Variants in GRIP2 observed in about 807,000 individuals in gnomAD.
The protein encoded by GRIP2 is glutamate receptor interacting protein 2.
Under a neutral mutation model 108.3 loss-of-function variants are expected in GRIP2, and 58 were observed. The ratio of observed to expected loss-of-function variants is 0.54; its 90% CI spans 0.43 to 0.67. The LOEUF (loss-of-function observed/expected upper bound fraction) is 0.67, where lower values mean the gene tolerates loss of function less well. GRIP2 is among the 30% of genes least tolerant of loss of function. The pLI, the probability that GRIP2 is intolerant of heterozygous loss-of-function variation, is 0.00. For synonymous variants in GRIP2, 586 were observed against 598.2 expected, an observed-to-expected ratio of 0.98 and a Z score of 0.30; for missense variants, 1,278 against 1,430.6, an observed-to-expected ratio of 0.89 and a Z score of 1.72.
At chr3:14,551,364 T>C (rs982019366) in intron 1 of GRIP2, among the ~76,000 whole-genome samples, 7 of 152,126 alleles carry the variant, frequency 4.6e-5, no homozygotes, top group African/African-American at 1.7e-4. Flanking sequence ...GCAAGGCCAA[T>C]GTGCGGTTGG....
At chr3:14,554,079 T>C (rs1168727796) in intron 1 of GRIP2, among the ~76,000 whole-genome samples, 1 of 152,140 alleles carries the variant, frequency 6.6e-6, no homozygotes, top group East Asian at 1.9e-4. Flanking sequence ...AAGGGGAAGA[T>C]GGAATTAAAA....
chr3:14,524,392 C>T lies in GRIP2; in HGVS notation c.403+1G>A. 6 of 1,609,374 alleles carry T rather than the reference C, an allele frequency of 3.7e-6. No individual in the cohort carries two copies. In the South Asian group the frequency reaches 6.7e-5, roughly 18 times the overall value. On this transcript the variant is annotated splice_donor_variant, in intron 4 of 23. Coordinates refer to ENST00000621039, the MANE Select transcript of GRIP2 (RefSeq NM_001080423.4). LOFTEE classifies it high-confidence loss of function. ...AAAGTTCCCCGTCCAAGGGCACCCACCGGGCGGGGGCAGCTCATACTCCAC... is the reference window on the plus strand; with the variant it reads ...AAAGTTCCCCGTCCAAGGGCACCCATCGGGCGGGGGCAGCTCATACTCCAC...
At chr3:14,591,970 T>C in the GRIP2 span, among the ~76,000 whole-genome samples, 2 of 152,220 alleles carry the variant, frequency 1.3e-5, no homozygotes, top group South Asian at 2.1e-4. Context: ...TTCTGTGAGA[T>C]CTAGGACCTT....
intron 7 of GRIP2, chr3:14,520,850 A>T (rs4308257): frequency 0.78 from 276,617 of 353,342 alleles, 108,912 homozygotes; most frequent in South Asian, 0.89. Flanking sequence ...TAAACTGTAA[A>T]GTTCACTACA....
chr3:14,596,523 C>T, the GRIP2 span, among the ~76,000 whole-genome samples: 1 of 152,150 alleles, frequency 6.6e-6, no homozygotes, highest in African/African-American at 2.4e-5. Context: ...TCCACAAATA[C>T]CTGTTGAGCA....
At chr3:14,524,636 GATCCTC>G (rs1694505030) in intron 3 of GRIP2, 98 bp from the exon 4 acceptor site, 1 of 1,331,582 alleles carries the variant, frequency 7.5e-7, no homozygotes, top group East Asian at 2.5e-5. Context: ...ATGATCACTG[GATCCTC>G]ATTTCACAAA....
In GRIP2 at chr3:14,522,971, G is replaced by T; in HGVS notation, c.566+29C>A. The T allele has an allele frequency of 6.3e-7, 1 of 1,597,480 alleles. No homozygotes were observed. Among genetic ancestry groups the T allele is most frequent in the Non-Finnish European group, 8.6e-7 (1 of 1,164,876 alleles). On this transcript the variant is annotated intron_variant, in intron 6 of 23. Transcript: ENST00000621039. The surrounding 1 kb of genome is among the most constrained non-coding windows in gnomAD (Gnocchi z 4.3). ...AGGGGAGTTGGGGCAGGTCAGTGCA[G>T]TGTGTGGATTTCTTCTGCCTCGGCT...
the GRIP2 span, among the ~76,000 whole-genome samples, chr3:14,599,294 C>T: frequency 6.6e-6 from 1 of 152,148 alleles, no homozygotes; most frequent in Admixed American, 6.5e-5. Context: ...GCTAACATTC[C>T]AAGGGTCTAT....
chr3:14,507,357 C>A lies in GRIP2; in HGVS notation c.2218+204G>T, dbSNP rs1047459526. 2.0e-5 allele frequency among the ~76,000 whole-genome samples: 3 copies of A among 152,250 alleles called. No homozygotes were observed. The highest frequency in any genetic ancestry group is 4.8e-5 in the African/African-American group (2 of 41,464). On this transcript the variant is annotated intron_variant, in intron 18 of 23. Transcript: ENST00000621039. The surrounding 1 kb of genome is among the most constrained non-coding windows in gnomAD (Gnocchi z 4.6). Reference sequence around the variant, plus strand: ...GCAGGAAGTAATGAAGAACAGGGCTCAGACCCAGATTCTGCCCCGTGCCCA... The same window carrying A: ...GCAGGAAGTAATGAAGAACAGGGCTAAGACCCAGATTCTGCCCCGTGCCCA...
At chr3:14,541,276 G>C (rs148272342), upstream of GRIP2, among the ~76,000 whole-genome samples, 16 of 152,364 alleles carry the variant, frequency 1.1e-4, no homozygotes, top group East Asian at 2.1e-3. Context: ...CACCAAGAAG[G>C]GTGGGGTGAT....
intron 1 of GRIP2, among the ~76,000 whole-genome samples, chr3:14,535,573 T>TAATTAAA (rs1335795858): frequency 1.3e-5 from 2 of 152,232 alleles, no homozygotes; most frequent in Non-Finnish European, 2.9e-5. Flanking sequence ...TGAGGCGGTA[T>TAATTAAA]AATCATGATT....
chr3:14,522,092 G>T lies in GRIP2; in HGVS notation c.567-305C>A. 2.9e-6 allele frequency: 1 copy of T among 342,982 alleles called. No homozygotes were observed. Among genetic ancestry groups the T allele is most frequent in the Non-Finnish European group, 5.3e-6 (1 of 190,042 alleles). The allele number at this position is 342,982 out of a possible 1,614,324, so 21.2% of individuals were successfully genotyped here. A position where few individuals can be genotyped will look rare whatever the true frequency, so the allele number is the denominator to read the frequency against. The stretch of plus-strand genomic sequence containing the variant: ...AGAACCCTGAAATGTCTGAGCTGGG[G>T]GTGCTCTTCAAGCGTCACCCCCAAC... On this transcript the variant is annotated intron_variant, in intron 6 of 23. Coordinates refer to ENST00000621039, the MANE Select transcript of GRIP2 (RefSeq NM_001080423.4). The surrounding 1 kb of genome is among the most constrained non-coding windows in gnomAD (Gnocchi z 4.3).
At chr3:14,530,328 C>T (rs993607712) in intron 1 of GRIP2, among the ~76,000 whole-genome samples, 8 of 152,200 alleles carry the variant, frequency 5.3e-5, no homozygotes, top group Admixed American at 5.2e-4. Flanking sequence ...CACAAACATC[C>T]CCCCATTCCT....
rs1693831258 is a variant in GRIP2, at chr3:14,503,638, G to A, written c.2607C>T (p.Phe869=). 1 of 1,517,036 alleles carries A rather than the reference G, an allele frequency of 6.6e-7. No individual in the cohort carries two copies. Among genetic ancestry groups the A allele is most frequent in the African/African-American group, 1.4e-5 (1 of 71,448 alleles). 94.0% of individuals were successfully genotyped at this position (1,517,036 alleles called of 1,614,324 possible). The change falls in exon 21 of 24, where the codon TTC becomes TTT. Residue 869 remains phenylalanine, a synonymous_variant. Coordinates refer to ENST00000621039, the MANE Select transcript of GRIP2 (RefSeq NM_001080423.4). The part of the protein sequence containing the change: ...PAPGPAREEG[F]WRMFGEALED... ...CGAGAGCTTCTCCAAACATGCGCCAGAAGCCCTCCTCTCGGGCAGGGCCAG... is the reference window on the plus strand; with the variant it reads ...CGAGAGCTTCTCCAAACATGCGCCAAAAGCCCTCCTCTCGGGCAGGGCCAG...
intron 9 of GRIP2, among the ~76,000 whole-genome samples, chr3:14,518,249 T>C (rs1024381972): frequency 6.6e-6 from 1 of 152,168 alleles, no homozygotes; most frequent in African/African-American, 2.4e-5. Flanking sequence ...AAGAAAGAAT[T>C]GGTGAGGAGT....
chr3:14,511,065 C>T lies in GRIP2; in HGVS notation c.1933+100G>A, dbSNP rs970401063. On this transcript the variant is annotated intron_variant, in intron 16 of 23. Coordinates refer to ENST00000621039, the MANE Select transcript of GRIP2 (RefSeq NM_001080423.4). This position sits in a 1 kb window ranked among gnomAD's most constrained non-coding sequence, Gnocchi z 4.1. ...GCCAGCCTTCAGCAGCGCCCACCAC[C>T]CTCCCTTCCTCGGCTGGAGGGAGCC... 7.0e-5 allele frequency: 98 copies of T among 1,402,746 alleles called. 1 individual carries two copies. Among genetic ancestry groups the T allele is most frequent in the Non-Finnish European group, 9.1e-5 (94 of 1,027,386 alleles). 86.9% of individuals were successfully genotyped at this position (1,402,746 alleles called of 1,614,324 possible).
At chr3:14,573,258 G>C in the GRIP2 span, 130 of 1,403,042 alleles carry the variant, frequency 9.3e-5, 2 homozygotes, top group South Asian at 1.5e-3. Context: ...CTGGGAGCCA[G>C]CTGGAACCAC....
chr3:14,572,053 T>A, the GRIP2 span, among the ~76,000 whole-genome samples: 1 of 152,132 alleles, frequency 6.6e-6, no homozygotes, highest in Non-Finnish European at 1.5e-5. Context: ...AATAAAGCTG[T>A]TAAAAATATG....
chr3:14,542,977 G>A (rs1246330067), upstream of GRIP2, among the ~76,000 whole-genome samples: 1 of 152,218 alleles, frequency 6.6e-6, no homozygotes, highest in Non-Finnish European at 1.5e-5. Context: ...GATTTGTAAA[G>A]CTTCTGGGTG....
Sources: gnomAD v4.1 joint callset for allele counts (sites outside exome capture counted in the v4.1 genomes callset) on GRCh38, gnomAD v4.1.1 for gene constraint, Gnocchi (gnomAD v3.1) non-coding constraint, MANE v1.5 for transcripts, NCBI Gene and HGNC (gene_info 2026-07-23, HGNC 2026-07-21) for gene names.